ZER1: variants seen among roughly 807,000 people sequenced by gnomAD.
ZER1 encodes zyg-11 related cell cycle regulator.
A neutral mutation model predicts 78.8 loss-of-function variants in ZER1; 11 were observed. That is an observed-to-expected ratio of 0.14 (90% CI 0.09 to 0.23). The LOEUF is 0.23. Ranked by LOEUF, ZER1 falls within the 10% of genes least tolerant of loss-of-function variation. ZER1 has a pLI of 1.00. For synonymous variants in ZER1, 400 were observed against 407.0 expected (o/e 0.98, Z 0.21); for missense variants, 588 against 996.9 (o/e 0.59, Z 5.52).
chr9:128,733,555 G>A (rs1298250960), intron 14 of ZER1, 27 bp from the exon 15 acceptor site: 5 of 1,597,890 alleles, frequency 3.1e-6, no homozygotes, highest in East Asian at 2.2e-5. Flanking sequence ...GACAGCAGAG[G>A]ATCAGGATGG....
intron 1 of ZER1, among the ~76,000 whole-genome samples, chr9:128,766,168 GT>G (rs1427083726): frequency 6.6e-6 from 1 of 152,038 alleles, no homozygotes; most frequent in Non-Finnish European, 1.5e-5. Flanking sequence ...GGCCAACATG[GT>G]GAAACCCTGT....
chr9:128,751,865 G>T lies in ZER1; in HGVS notation c.924-338C>A, dbSNP rs1318927648. Among the ~76,000 whole-genome samples, 1 of 152,202 alleles carries T rather than the reference G, an allele frequency of 6.6e-6. No homozygotes were observed. ...AAAGCAGGCTGGGGCCAGGGCTTATGGGTGGCCAGTTACAGCTGGTAGGGT... is the reference window on the plus strand; with the variant it reads ...AAAGCAGGCTGGGGCCAGGGCTTATTGGTGGCCAGTTACAGCTGGTAGGGT... On this transcript the variant is annotated intron_variant, in intron 5 of 15. Transcript: ENST00000291900. This position sits in a 1 kb window ranked among gnomAD's most constrained non-coding sequence, Gnocchi z 5.4.
Position 128,739,918 on chromosome 9 carries a change from G to A in ZER1, c.2042+13C>T. On this transcript the variant is annotated intron_variant, in intron 13 of 15. Coordinates refer to ENST00000291900, the MANE Select transcript of ZER1 (RefSeq NM_006336.4). The stretch of plus-strand genomic sequence containing the variant: ...ATTCCACACCGCATCCCCGCTCCCT[G>A]CCCTGCCCACACCTGTAATTGATGT... The A allele has an allele frequency of 1.3e-6, 2 of 1,599,810 alleles. No homozygotes were observed. Among genetic ancestry groups the A allele is most frequent in the Non-Finnish European group, 1.7e-6 (2 of 1,168,064 alleles).
intron 8 of ZER1, chr9:128,745,834 TTTTATTTTA>T (rs1483696196): frequency 5.9e-5 from 8 of 136,632 alleles, no homozygotes; most frequent in African/African-American, 1.1e-4. Context: ...TCAGTTTAAA[TTTTATTTTA>T]TTTATTTATT....
At chr9:128,766,054 T>C (rs1011561703) in intron 1 of ZER1, among the ~76,000 whole-genome samples, 17 of 152,164 alleles carry the variant, frequency 1.1e-4, no homozygotes, top group African/African-American at 4.1e-4. Flanking sequence ...ATACCAAGTA[T>C]ATACCAAGAA....
At chr9:128,758,106 T>A (rs923468336) in intron 1 of ZER1, among the ~76,000 whole-genome samples, 4 of 151,276 alleles carry the variant, frequency 2.6e-5, no homozygotes, top group African/African-American at 4.9e-5. Context: ...TTTTTTTTTT[T>A]AATTTTTAGT....
intron 1 of ZER1, among the ~76,000 whole-genome samples, chr9:128,758,920 A>G (rs995630253): frequency 2.0e-5 from 3 of 151,902 alleles, no homozygotes; most frequent in Non-Finnish European, 2.9e-5. Flanking sequence ...CCTTGATCAG[A>G]GTACTGGGTA....
At position 128,753,611 on chromosome 9, in the gene ZER1, G is replaced by T; in HGVS notation, c.310-11C>A. 3 of 1,610,708 alleles carry T rather than the reference G, an allele frequency of 1.9e-6. No individual in the cohort carries two copies. The South Asian group carries it at 3.3e-5, about 18-fold the overall frequency. On this transcript the variant is annotated splice_polypyrimidine_tract_variant and intron_variant, in intron 3 of 15. Coordinates refer to ENST00000291900, the MANE Select transcript of ZER1 (RefSeq NM_006336.4). The surrounding 1 kb of genome is among the most constrained non-coding windows in gnomAD (Gnocchi z 7.5). ...CAGCTCCACCAGGTCCTGGGAGTGGGCACAGCTCCATCATCATCACCACCC... is the reference window on the plus strand; with the variant it reads ...CAGCTCCACCAGGTCCTGGGAGTGGTCACAGCTCCATCATCATCACCACCC...
At chr9:128,738,106 G>A (rs1244135876) in intron 13 of ZER1, among the ~76,000 whole-genome samples, 2 of 149,536 alleles carry the variant, frequency 1.3e-5, no homozygotes, top group African/African-American at 2.5e-5. Context: ...GTGCAGTGGC[G>A]CGATCTTGGC....
chr9:128,742,752 C>A lies in ZER1; in HGVS notation c.1360-7G>T, dbSNP rs747302235. 2.5e-6 allele frequency: 4 copies of A among 1,596,438 alleles called. No homozygotes were observed. In the South Asian group the frequency reaches 4.5e-5, roughly 18 times the overall value. ...GGCAGCAGTTCCGCTGCACCTGGGC[C>A]GGGACAGGACACAAGTGGGGCACAT... On this transcript the variant is annotated splice_polypyrimidine_tract_variant and splice_region_variant and intron_variant, in intron 8 of 15. Transcript: ENST00000291900.
chr9:128,731,525 CAG>C, intron 15 of ZER1, 131 bp from the exon 16 acceptor site: 2 of 713,186 alleles, frequency 2.8e-6, no homozygotes, highest in Non-Finnish European at 4.7e-6. Context: ...ATGATGTGGA[CAG>C]AGGGGCTGGC....
chr9:128,735,722 G>A (rs539156069), intron 13 of ZER1, among the ~76,000 whole-genome samples: 2 of 145,388 alleles, frequency 1.4e-5, no homozygotes, highest in South Asian at 2.3e-4. Context: ...GTGGGGAAGA[G>A]GGGAGAGGCA....
Position 128,731,305 on chromosome 9 carries a change from C to T in ZER1, c.*32G>A. ...GCATGCTTCCTCCCCGCCTGTGGTC[C>T]AGAGCGGTGGCGGCCATGGGGACGG... On this transcript the variant is annotated 3_prime_UTR_variant, in exon 16 of 16. Transcript: ENST00000291900. The T allele has an allele frequency of 6.2e-7, 1 of 1,610,294 alleles. No individual in the cohort carries two copies. Among genetic ancestry groups the T allele is most frequent in the Middle Eastern group, 1.7e-4 (1 of 5,996 alleles).
chr9:128,755,390 A>G lies in ZER1; in HGVS notation c.158+18T>C. ...CATGGTAAGACCCCTGCCCCTCCTC[A>G]GCCCTGGGTCTGCTCACTCATTGAC... is the stretch of plus-strand genomic sequence containing the variant. On this transcript the variant is annotated intron_variant, in intron 2 of 15. Transcript: ENST00000291900. The surrounding 1 kb of genome is among the most constrained non-coding windows in gnomAD (Gnocchi z 5.6). 2 of 1,613,064 alleles carry G rather than the reference A, an allele frequency of 1.2e-6. No individual in the cohort carries two copies. The highest frequency in any genetic ancestry group is 2.7e-5 in the African/African-American group (2 of 74,964).
At position 128,754,842 on chromosome 9, in the gene ZER1, T is replaced by C. The variant is rs931769606; in HGVS notation, c.158+566A>G. Among the ~76,000 whole-genome samples the C allele has an allele frequency of 1.3e-5, 2 of 152,118 alleles. No individual in the cohort carries two copies. Among genetic ancestry groups the C allele is most frequent in the Admixed American group, 6.5e-5 (1 of 15,270 alleles). On this transcript the variant is annotated intron_variant, in intron 2 of 15. Coordinates refer to ENST00000291900, the MANE Select transcript of ZER1 (RefSeq NM_006336.4). This position sits in a 1 kb window ranked among gnomAD's most constrained non-coding sequence, Gnocchi z 4.3. The stretch of plus-strand genomic sequence containing the variant: ...CCTGGCCACCATCTGGGCCTGTAGA[T>C]TGAACTCCCAGCATTCAGTGACTGC...
chr9:128,737,955 A>T (rs369687912), intron 13 of ZER1, among the ~76,000 whole-genome samples: 90 of 151,594 alleles, frequency 5.9e-4, no homozygotes, highest in African/African-American at 1.7e-3. Context: ...CGCCTGCCTC[A>T]GCCTCCCAAA....
chr9:128,760,024 C>G (rs1308540052), intron 1 of ZER1, among the ~76,000 whole-genome samples: 2 of 151,912 alleles, frequency 1.3e-5, no homozygotes, highest in Non-Finnish European at 2.9e-5. Flanking sequence ...GGACCACAGG[C>G]ATGTGCCACC....
chr9:128,760,811 T>A (rs375405461), intron 1 of ZER1, among the ~76,000 whole-genome samples: 3,570 of 139,386 alleles, frequency 0.026, 142 homozygotes, highest in African/African-American at 0.089. Context: ...AGACTCCGTT[T>A]AAAAAAAAAA....
chr9:128,760,330 G>A (rs1864002077), intron 1 of ZER1, among the ~76,000 whole-genome samples: 1 of 152,112 alleles, frequency 6.6e-6, no homozygotes, highest in Admixed American at 6.6e-5. Context: ...AGCCTCCCGA[G>A]TAGCTGAGAC....
Sources: gnomAD v4.1 joint callset for allele counts (sites outside exome capture counted in the v4.1 genomes callset) on GRCh38, gnomAD v4.1.1 for gene constraint, Gnocchi (gnomAD v3.1) non-coding constraint, MANE v1.5 for transcripts, NCBI Gene and HGNC (gene_info 2026-07-23, HGNC 2026-07-21) for gene names.